ARHGEF4: variants seen among roughly 807,000 people sequenced by gnomAD.
ARHGEF4 encodes Rho guanine nucleotide exchange factor 4.
Under a neutral mutation model 162.0 loss-of-function variants are expected in ARHGEF4, and 119 were observed. The observed-to-expected ratio is 0.73, with a 90% confidence interval of 0.63 to 0.86. ARHGEF4 has a LOEUF of 0.86. ARHGEF4 is among the 40% of genes least tolerant of loss of function. ARHGEF4 has a pLI of 0.00. For synonymous variants in ARHGEF4, 1,014 were observed against 979.9 expected, an observed-to-expected ratio of 1.03 and a Z score of -0.65; for missense variants, 2,488 against 2,456.0, an observed-to-expected ratio of 1.01 and a Z score of -0.28.
At chr2:130,959,483 T>C (rs1252125309) in intron 4 of ARHGEF4, among the ~76,000 whole-genome samples, 1 of 152,208 alleles carries the variant, frequency 6.6e-6, no homozygotes, top group East Asian at 1.9e-4. Context: ...ATTCTGAGCC[T>C]CAGTTAATTT....
intron 3 of ARHGEF4, among the ~76,000 whole-genome samples, chr2:130,938,213 A>T (rs1683080446): frequency 6.6e-6 from 1 of 152,064 alleles, no homozygotes; most frequent in Non-Finnish European, 1.5e-5. Context: ...GGGTCATATG[A>T]TAGTTGTCTG....
chr2:130,870,333 T>A (rs1678378021), intron 1 of ARHGEF4, among the ~76,000 whole-genome samples: 1 of 152,108 alleles, frequency 6.6e-6, no homozygotes, highest in African/African-American at 2.4e-5. Flanking sequence ...GTGTTTCAGA[T>A]GGAGCAACGG....
At chr2:131,023,570 C>G (rs1468846389) in intron 4 of ARHGEF4, among the ~76,000 whole-genome samples, 2 of 152,188 alleles carry the variant, frequency 1.3e-5, no homozygotes, top group Non-Finnish European at 2.9e-5. Context: ...CACTATACAC[C>G]TATCAGAATA....
intron 1 of ARHGEF4, among the ~76,000 whole-genome samples, chr2:130,876,554 G>A (rs1343853989): frequency 6.6e-6 from 1 of 152,088 alleles, no homozygotes; most frequent in African/African-American, 2.4e-5. Context: ...AACATACTCG[G>A]CTAATTTTTT....
rs1040917896 is a variant in ARHGEF4, at chr2:130,971,173, T to C, written c.3985+24538T>C. ...TAGCACCATTTGTTAAAAAGACTTT[T>C]TTTCTCCATTAATTTCCTTTGTACC... On this transcript the variant is annotated intron_variant, in intron 4 of 13. Transcript: ENST00000409359. 3.3e-5 allele frequency among the ~76,000 whole-genome samples: 5 copies of C among 152,360 alleles called. No homozygotes were observed. The South Asian group carries it at 1.0e-3, about 32-fold the overall frequency.
intron 4 of ARHGEF4, among the ~76,000 whole-genome samples, chr2:130,967,431 A>G (rs553765482): frequency 4.6e-5 from 7 of 152,032 alleles, no homozygotes; most frequent in African/African-American, 9.7e-5. Flanking sequence ...TCTGTTCTGG[A>G]TGTGTCATCT....
At chr2:130,837,125 C>G (rs1227945015) in intron 1 of ARHGEF4, 133 bp downstream of exon 1, 15 of 790,208 alleles carry the variant, frequency 1.9e-5, no homozygotes, top group Non-Finnish European at 2.4e-5. Flanking sequence ...ACCCTCGTGG[C>G]TCCCCGCCGC....
chr2:130,880,083 A>G (rs1402073259), intron 1 of ARHGEF4, among the ~76,000 whole-genome samples: 3 of 152,178 alleles, frequency 2.0e-5, no homozygotes, highest in Non-Finnish European at 4.4e-5. Context: ...ACGCGATGCC[A>G]TTTACTCCTC....
At chr2:130,930,930 A>AC (rs757537754) in intron 2 of ARHGEF4, 22 bp from the exon 3 acceptor site, 1 of 1,587,312 alleles carries the variant, frequency 6.3e-7, no homozygotes, top group Admixed American at 1.7e-5. Flanking sequence ...CTGACCCCTG[A>AC]CCCGTTCTCT....
intron 1 of ARHGEF4, among the ~76,000 whole-genome samples, chr2:130,886,038 CAT>C (rs1298906232): frequency 2.6e-5 from 4 of 152,076 alleles, no homozygotes; most frequent in Non-Finnish European, 5.9e-5. Flanking sequence ...GTTGTGATCA[CAT>C]GTTTAATTTT....
At chr2:131,019,344 G>A (rs375341936) in intron 4 of ARHGEF4, among the ~76,000 whole-genome samples, 17 of 152,090 alleles carry the variant, frequency 1.1e-4, no homozygotes, top group African/African-American at 3.4e-4. Flanking sequence ...CCCGGGAGGC[G>A]GAGGTTGCCG....
At chr2:130,864,712 A>G (rs1169792201) in intron 1 of ARHGEF4, among the ~76,000 whole-genome samples, 1 of 152,254 alleles carries the variant, frequency 6.6e-6, no homozygotes, top group Non-Finnish European at 1.5e-5. Flanking sequence ...CGACAGAGCC[A>G]GACTCTGTCT....
chr2:131,001,302 CAAAAAAAAAA>C (rs70994730), intron 4 of ARHGEF4, among the ~76,000 whole-genome samples: 3 of 31,156 alleles, frequency 9.6e-5, no homozygotes, highest in Non-Finnish European at 1.3e-4. Flanking sequence ...GACTGTGTCT[CAAAAAAAAAA>C]AAAAAAAAAA....
chr2:130,992,316 A>G lies in ARHGEF4; in HGVS notation c.3986-35629A>G, dbSNP rs926694600. 3.3e-5 allele frequency among the ~76,000 whole-genome samples: 5 copies of G among 151,984 alleles called. No individual in the cohort carries two copies. The East Asian group carries it at 7.7e-4, about 23-fold the overall frequency. On this transcript the variant is annotated intron_variant, in intron 4 of 13. Coordinates refer to ENST00000409359, the MANE Select transcript of ARHGEF4 (RefSeq NM_001367493.1). ...TCCCCTTCCACACTGTGGAAGCTTT[A>G]TTCTTTCGCTCTTTGCAATAAATCT...
At chr2:130,855,629 C>T (rs4850305) in intron 1 of ARHGEF4, among the ~76,000 whole-genome samples, 12,446 of 152,176 alleles carry the variant, frequency 0.082, 977 homozygotes, top group African/African-American at 0.2. Flanking sequence ...ACTTGCATGA[C>T]TGAACTTAAC....
chr2:130,840,776 G>A (rs1680549229), intron 1 of ARHGEF4, among the ~76,000 whole-genome samples: 1 of 152,174 alleles, frequency 6.6e-6, no homozygotes, highest in African/African-American at 2.4e-5. Context: ...GAGACATCCT[G>A]GGCTACCAGG....
intron 5 of ARHGEF4, among the ~76,000 whole-genome samples, chr2:131,030,948 C>T (rs1689811264): frequency 6.6e-6 from 1 of 152,256 alleles, no homozygotes; most frequent in South Asian, 2.1e-4. Context: ...AGCACTCCCA[C>T]GGGCTCAGCC....
In ARHGEF4 at chr2:130,915,200, T is replaced by G; in HGVS notation, c.1254T>G (p.Thr418=). 6.4e-7 allele frequency: 1 copy of G among 1,550,576 alleles called. No homozygotes were observed. Among genetic ancestry groups the G allele is most frequent in the East Asian group, 2.4e-5 (1 of 40,902 alleles). Residue 418 remains threonine (T), a synonymous_variant, in exon 2 of 14, where the codon ACT becomes ACG. Transcript: ENST00000409359. The stretch of plus-strand genomic sequence containing the variant: ...GCTTGCAAAGGGCCTCTCAGGACAC[T>G]CCTTCTGCAGGTCTCCTGGGGGAAA... ...GFRLQRASQD[T]PSAGLLGENQ... is the part of the protein sequence containing the mutation.
At chr2:131,002,658 C>T (rs553764478) in intron 4 of ARHGEF4, among the ~76,000 whole-genome samples, 13 of 137,586 alleles carry the variant, frequency 9.4e-5, no homozygotes, top group Non-Finnish European at 2.0e-4. Flanking sequence ...TGCAGTGAGC[C>T]GAGATCGCAC....
Sources: allele counts gnomAD v4.1 joint callset (sites outside exome capture counted in the v4.1 genomes callset), GRCh38; gene constraint gnomAD v4.1.1; transcripts MANE v1.5; gene names NCBI Gene and HGNC (gene_info 2026-07-23, HGNC 2026-07-21).